ODAD3: variants seen among roughly 807,000 people sequenced by gnomAD.
ODAD3 encodes outer dynein arm-docking complex subunit 3.
In ODAD3, 57 loss-of-function variants were observed where a neutral mutation model predicts 70.9. That is an observed-to-expected ratio of 0.80 (90% confidence interval 0.65 to 1.00). The LOEUF is 1.00. Among genes scored for constraint, ODAD3 ranks in the 50% least tolerant of loss-of-function variants. The probability of loss-of-function intolerance (pLI) is 0.00; values close to 1 mark genes in which losing one functional copy is unlikely to be tolerated. For synonymous variants in ODAD3, 327 were observed against 315.9 expected, an observed-to-expected ratio of 1.04 and a Z score of -0.37; for missense variants, 797 against 763.9, an observed-to-expected ratio of 1.04 and a Z score of -0.51.
chr19:11,425,657 ATATATAT>A (rs1969350620), intron 7 of ODAD3, among the ~76,000 whole-genome samples: 1 of 134,488 alleles, frequency 7.4e-6, no homozygotes, highest in African/African-American at 3.5e-5. Flanking sequence ...ATACGTATAT[ATATATAT>A]ATATATGCAA....
chr19:11,430,265 G>C (rs1312851116), intron 3 of ODAD3, among the ~76,000 whole-genome samples: 1 of 151,854 alleles, frequency 6.6e-6, no homozygotes, highest in African/African-American at 2.4e-5. Context: ...AGCCTCCCGA[G>C]TAGCTGGGAT....
intron 7 of ODAD3, among the ~76,000 whole-genome samples, chr19:11,425,037 A>ATGTG (rs1969260316): frequency 7.8e-6 from 1 of 128,142 alleles, no homozygotes; most frequent in East Asian, 2.4e-4. Flanking sequence ...GTGCATATAT[A>ATGTG]CATATGTGTA....
At position 11,426,602 on chromosome 19, in the gene ODAD3, TGGTGCA is replaced by T. The variant is rs764153792; in HGVS notation, c.715-37_715-32del. On this transcript the variant is annotated intron_variant, in intron 5 of 12. Transcript: ENST00000356392. ...GCGTGGTGGGGAGGGGTAGCGGAGA[TGGTGCA>T]GGTCTGTGACTGCTGTCCCTAGCCA... 5 of 1,613,904 alleles carry T rather than the reference TGGTGCA, an allele frequency of 3.1e-6. No homozygotes were observed. In the South Asian group the frequency reaches 5.5e-5, roughly 18 times the overall value.
chr19:11,434,227 AAAAC>A (rs1260994773), intron 1 of ODAD3, among the ~76,000 whole-genome samples: 1 of 104,796 alleles, frequency 9.5e-6, no homozygotes, highest in African/African-American at 4.1e-5. Flanking sequence ...AACAAAAAAC[AAAAC>A]AAAAAAAAAC....
chr19:11,425,045 G>GCA (rs1969261412), intron 7 of ODAD3, among the ~76,000 whole-genome samples: 5 of 127,186 alleles, frequency 3.9e-5, no homozygotes, highest in Non-Finnish European at 6.1e-5. Flanking sequence ...ATACATATGT[G>GCA]TATATATGTG....
intron 7 of ODAD3, 81 bp from the exon 8 acceptor site, chr19:11,424,110 G>A (rs1187673583): frequency 1.3e-6 from 2 of 1,522,210 alleles, no homozygotes; most frequent in Non-Finnish European, 1.8e-6. Context: ...GATCCAGATA[G>A]GGGCCCGCGA....
chr19:11,426,612 C>T, intron 5 of ODAD3, 41 bp from the exon 6 acceptor site: 4 of 1,613,694 alleles, frequency 2.5e-6, no homozygotes, highest in Non-Finnish European at 3.4e-6. Flanking sequence ...TGGTGCAGGT[C>T]TGTGACTGCT....
chr19:11,429,318 TCTC>T (rs1037336238), intron 3 of ODAD3, among the ~76,000 whole-genome samples: 6 of 152,028 alleles, frequency 3.9e-5, no homozygotes, highest in African/African-American at 1.4e-4. Flanking sequence ...TTCAAACTGT[TCTC>T]CTGCCTCAGA....
Position 11,434,959 on chromosome 19 carries a change from C to T in ODAD3, c.58G>A (p.Ala20Thr), listed in dbSNP as rs1255010919. 1.2e-6 allele frequency: 2 copies of T among 1,613,790 alleles called. No individual in the cohort carries two copies. Among genetic ancestry groups the T allele is most frequent in the African/African-American group, 2.7e-5 (2 of 75,060 alleles). The change falls in exon 1 of 13, where the codon GCT becomes ACT. Residue 20 changes from alanine (A) to threonine (T), a missense_variant. Physicochemically the swap from Ala to Thr is moderately conservative, Grantham distance 58. Coordinates refer to ENST00000356392, the MANE Select transcript of ODAD3 (RefSeq NM_145045.5). ...SANALPPQDQ[A>T]STPSSRVKGR... is the part of the protein sequence containing the mutation. Reference sequence around the variant, plus strand: ...TTGACCCTGGAAGAGGGCGTCGAAGCCTGGTCCTGAGGAGGCAGGGCGTTG... The same window carrying T: ...TTGACCCTGGAAGAGGGCGTCGAAGTCTGGTCCTGAGGAGGCAGGGCGTTG...
intron 3 of ODAD3, among the ~76,000 whole-genome samples, chr19:11,428,978 A>G (rs912480587): frequency 2.0e-4 from 31 of 151,858 alleles, no homozygotes; most frequent in Non-Finnish European, 1.2e-4. Flanking sequence ...CCCGGGTTCA[A>G]GGGATTCTCC....
At position 11,423,877 on chromosome 19, in the gene ODAD3, G is replaced by A. The variant is rs1361894803; in HGVS notation, c.1116C>T (p.His372=). Residue 372 remains histidine (H), a splice_region_variant and synonymous_variant, in exon 8 of 13, where the codon CAC becomes CAT. Transcript: ENST00000356392. The part of the protein sequence containing the change: ...VKDATGTDET[H]SLVRRFLAQG... Reference sequence around the variant, plus strand: ...GGAGAGGGCTGCGGGCAGAACTCACGTGCGTCTCGTCAGTGCCAGTGGCGT... The same window carrying A: ...GGAGAGGGCTGCGGGCAGAACTCACATGCGTCTCGTCAGTGCCAGTGGCGT... 5 of 1,608,056 alleles carry A rather than the reference G, an allele frequency of 3.1e-6. No individual in the cohort carries two copies. The highest frequency in any genetic ancestry group is 4.2e-6 in the Non-Finnish European group (5 of 1,177,520).
chr19:11,434,159 G>A (rs571837869), intron 1 of ODAD3, among the ~76,000 whole-genome samples: 3 of 150,284 alleles, frequency 2.0e-5, no homozygotes, highest in Non-Finnish European at 4.4e-5. Context: ...GTTGCAGTGA[G>A]CCGAGATCAT....
chr19:11,426,345 G>T, intron 6 of ODAD3, 79 bp from the exon 7 acceptor site: 1 of 1,607,364 alleles, frequency 6.2e-7, no homozygotes, highest in Non-Finnish European at 8.5e-7. Context: ...GATAGATGGG[G>T]GCGGGGGCGT....
chr19:11,431,396 G>A (rs1225665869), intron 1 of ODAD3, among the ~76,000 whole-genome samples: 2 of 151,900 alleles, frequency 1.3e-5, no homozygotes, highest in African/African-American at 4.8e-5. Context: ...ATAGGTGTGA[G>A]CCACTGTGCC....
In ODAD3 at chr19:11,422,479, T is replaced by C. The variant is rs1201397664; in HGVS notation, c.1426A>G (p.Ile476Val). ...CCCTGGGCGGGGCCTACCACAGTGA[T>C]GTGGATCAGCTTGCTGGCCAGGTGC... ...LEHLASKLIH[I>V]TVEDGRFAGK... The change falls in exon 10 of 13, where the codon ATC (isoleucine) becomes GTC (valine). Residue 476 changes from isoleucine (I) to valine (V), a missense_variant. Physicochemically the swap from Ile to Val is conservative, Grantham distance 29. Transcript: ENST00000356392. The surrounding 1 kb of genome is among the most constrained non-coding windows in gnomAD (Gnocchi z 4.6). 1.9e-6 allele frequency: 3 copies of C among 1,592,238 alleles called. 1 individual carries two copies. Among genetic ancestry groups the C allele is most frequent in the East Asian group, 4.5e-5 (2 of 44,268 alleles).
At chr19:11,425,558 T>C (rs1350422214) in intron 7 of ODAD3, among the ~76,000 whole-genome samples, 1 of 135,546 alleles carries the variant, frequency 7.4e-6, no homozygotes. Flanking sequence ...TATATATGTA[T>C]ATATGTGTGT....
chr19:11,422,516 C>T lies in ODAD3; in HGVS notation c.1389G>A (p.Lys463=), dbSNP rs1469256965. The T allele has an allele frequency of 9.4e-6, 15 of 1,593,322 alleles. No individual in the cohort carries two copies. In the African/African-American group the frequency reaches 1.5e-4, roughly 16 times the overall value. ...TGCTGGCCAGGTGCTCCAGGCTGTC[C>T]TTGGCCACTTGCATCGCCCGCAAGG... ...ERALRAMQVA[K]DSLEHLASKL... is the part of the protein sequence containing the mutation. Residue 463 remains lysine, a synonymous_variant, in exon 10 of 13, where the codon AAG becomes AAA. Coordinates refer to ENST00000356392, the MANE Select transcript of ODAD3 (RefSeq NM_145045.5). This position sits in a 1 kb window ranked among gnomAD's most constrained non-coding sequence, Gnocchi z 4.6.
chr19:11,425,411 A>ATG lies in ODAD3; in HGVS notation c.963+732_963+733insCA, dbSNP rs1555722546. ...TACATATGTGTATATGTATATATAC[A>ATG]TATATGTGTATATACACATATGTGT... On this transcript the variant is annotated intron_variant, in intron 7 of 12. Coordinates refer to ENST00000356392, the MANE Select transcript of ODAD3 (RefSeq NM_145045.5). 1.4e-4 allele frequency among the ~76,000 whole-genome samples: 15 copies of ATG among 110,230 alleles called. 2 individuals are homozygous for ATG. The highest frequency in any genetic ancestry group is 2.5e-4 in the Non-Finnish European group (15 of 61,030). 72.3% of individuals were successfully genotyped at this position (110,230 alleles called of 152,430 possible). A position where few individuals can be genotyped will look rare whatever the true frequency, so the allele number is the denominator to read the frequency against.
chr19:11,421,248 C>G lies in ODAD3; in HGVS notation c.1591-36G>C, dbSNP rs1568346076. ...ATGGGAAGCGAGAGAGGAAGGTGGG[C>G]GGGGCCAGGGGCCACCGAGAAGTCA... On this transcript the variant is annotated intron_variant, in intron 11 of 12. Transcript: ENST00000356392. 5.7e-6 allele frequency: 9 copies of G among 1,586,480 alleles called. No homozygotes were observed. The South Asian group carries it at 1.0e-4, about 18-fold the overall frequency.
Sources: gnomAD v4.1 joint callset for allele counts (sites outside exome capture counted in the v4.1 genomes callset) on GRCh38, gnomAD v4.1.1 for gene constraint, Gnocchi (gnomAD v3.1) non-coding constraint, MANE v1.5 for transcripts, NCBI Gene and HGNC (gene_info 2026-07-23, HGNC 2026-07-21) for gene names.